The following ASCC1 variants were observed in gnomAD, a reference collection of about 807,000 sequenced individuals.
ASCC1 encodes the protein activating signal cointegrator 1 complex subunit 1.
In ASCC1, 35 loss-of-function variants were observed where a neutral mutation model predicts 46.6. That is an observed-to-expected ratio of 0.75 (90% confidence interval 0.57 to 0.99). The LOEUF is 0.99. Ranked by LOEUF, ASCC1 falls within the 50% of genes least tolerant of loss-of-function variation. The pLI is 0.00. For synonymous variants in ASCC1, 143 were observed against 146.6 expected (o/e 0.98, Z 0.18); for missense variants, 376 against 428.7 (o/e 0.88, Z 1.09).
At chr10:72,188,018 C>T (rs1383235114) in intron 5 of ASCC1, among the ~76,000 whole-genome samples, 2 of 151,944 alleles carry the variant, frequency 1.3e-5, no homozygotes, top group African/African-American at 4.8e-5. Context: ...CTTGTATGTG[C>T]CCAATCTGAA....
intron 7 of ASCC1, among the ~76,000 whole-genome samples, chr10:72,151,478 G>A (rs1848319743): frequency 6.6e-6 from 1 of 151,946 alleles, no homozygotes; most frequent in Non-Finnish European, 1.5e-5. Context: ...ATAGCATTAA[G>A]AGAAATACCT....
chr10:72,142,490 T>C (rs1847141664), intron 7 of ASCC1, among the ~76,000 whole-genome samples: 1 of 151,810 alleles, frequency 6.6e-6, no homozygotes, highest in Non-Finnish European at 1.5e-5. Context: ...CCACAGCCTC[T>C]GGAGGAGCTG....
chr10:72,188,309 G>A (rs1853823254), intron 5 of ASCC1, among the ~76,000 whole-genome samples: 1 of 151,466 alleles, frequency 6.6e-6, no homozygotes. Context: ...AGTAGAGATG[G>A]GGTTTCACTA....
chr10:72,190,599 C>T, intron 5 of ASCC1: 1 of 1,143,568 alleles, frequency 8.7e-7, no homozygotes, highest in Non-Finnish European at 1.2e-6. Flanking sequence ...TTGTAAAATT[C>T]ATACCTAATA....
intron 1 of ASCC1, among the ~76,000 whole-genome samples, chr10:72,214,788 C>T (rs1028255677): frequency 6.6e-6 from 1 of 151,692 alleles, no homozygotes; most frequent in East Asian, 1.9e-4. Context: ...AAATTCATAC[C>T]AAACAATCAG....
chr10:72,167,363 G>A (rs182133580), intron 5 of ASCC1, among the ~76,000 whole-genome samples: 10 of 152,256 alleles, frequency 6.6e-5, no homozygotes, highest in East Asian at 1.9e-4. Flanking sequence ...AAAAGACTAC[G>A]TATTATATGA....
chr10:72,213,468 T>C, intron 1 of ASCC1, 137 bp from the exon 2 acceptor site: 1 of 632,564 alleles, frequency 1.6e-6, no homozygotes, highest in Non-Finnish European at 2.9e-6. Context: ...CATTTCCCAT[T>C]GGATTTCCCA....
At position 72,133,090 on chromosome 10, in the gene ASCC1, C is replaced by G; in HGVS notation, c.838G>C (p.Val280Leu). 6.2e-7 allele frequency: 1 copy of G among 1,614,126 alleles called. No homozygotes were observed. The highest frequency in any genetic ancestry group is 8.5e-7 in the Non-Finnish European group (1 of 1,179,984). Reference sequence around the variant, plus strand: ...TCTTTCCTGAATAGTGTATTCATAACTGTAGCATGCAGTTTCACACTATTC... The same window carrying G: ...TCTTTCCTGAATAGTGTATTCATAAGTGTAGCATGCAGTTTCACACTATTC... The part of the protein sequence containing the change: ...EWNSVKLHAT[V>L]MNTLFRKDPN... The change falls in exon 8 of 10, where the codon GTT (valine) becomes CTT (leucine). Residue 280 changes from valine to leucine, a missense_variant. Coordinates refer to ENST00000672957, the MANE Select transcript of ASCC1 (RefSeq NM_001198800.3).
At chr10:72,202,283 A>G (rs1290484075) in intron 4 of ASCC1, among the ~76,000 whole-genome samples, 1 of 152,110 alleles carries the variant, frequency 6.6e-6, no homozygotes, top group Non-Finnish European at 1.5e-5. Flanking sequence ...CCTGGCCAAC[A>G]TGGCGAAACC....
rs117192268 is a variant in ASCC1, at chr10:72,208,477, T to C, written c.212+2255A>G. ...AAGGTGGATGAAATGAAAACATTTG[T>C]GGCCGGGTGCGGTGGCTCACGCCTG... is the stretch of plus-strand genomic sequence containing the variant. On this transcript the variant is annotated intron_variant, in intron 3 of 9. Coordinates refer to ENST00000672957, the MANE Select transcript of ASCC1 (RefSeq NM_001198800.3). Among the ~76,000 whole-genome samples, 607 of 152,024 alleles carry C rather than the reference T, an allele frequency of 4.0e-3. 2 individuals are homozygous for C. The highest frequency in any genetic ancestry group is 5.9e-3 in the Non-Finnish European group (400 of 67,942).
chr10:72,112,865 T>C lies in ASCC1; in HGVS notation c.957+15217A>G, dbSNP rs559702727. On this transcript the variant is annotated intron_variant, in intron 9 of 9. Coordinates refer to ENST00000672957, the MANE Select transcript of ASCC1 (RefSeq NM_001198800.3). Reference sequence around the variant, plus strand: ...TGCACCCCAGCCTGGGCAACAGAGCTAGACTCTGCCTCCAAAAAAAAAAAA... The same window carrying C: ...TGCACCCCAGCCTGGGCAACAGAGCCAGACTCTGCCTCCAAAAAAAAAAAA... Among the ~76,000 whole-genome samples the C allele has an allele frequency of 1.2e-4, 13 of 111,900 alleles. No homozygotes were observed. In the South Asian group the frequency reaches 2.9e-3, roughly 25 times the overall value. The allele number at this position is 111,900 out of a possible 152,430, so 73.4% of individuals were successfully genotyped here.
rs558623424 is a variant in ASCC1, at chr10:72,140,721, T to C, written c.747-7540A>G. Among the ~76,000 whole-genome samples the C allele has an allele frequency of 6.6e-5, 10 of 152,330 alleles. No homozygotes were observed. The South Asian group carries it at 1.9e-3, about 28-fold the overall frequency. ...ATTTTCACTTCACCCATCTGTAAGA[T>C]TTTATTTTTGTAAGCAAAAACAATG... On this transcript the variant is annotated intron_variant, in intron 7 of 9. Coordinates refer to ENST00000672957, the MANE Select transcript of ASCC1 (RefSeq NM_001198800.3).
chr10:72,105,002 C>T (rs181492073), intron 9 of ASCC1, among the ~76,000 whole-genome samples: 2 of 152,082 alleles, frequency 1.3e-5, no homozygotes, highest in African/African-American at 4.8e-5. Flanking sequence ...ACTTGCCCAT[C>T]CCGTCCCTTC....
At chr10:72,121,346 T>A (rs528885942) in intron 9 of ASCC1, among the ~76,000 whole-genome samples, 3 of 151,584 alleles carry the variant, frequency 2.0e-5, no homozygotes, top group East Asian at 3.9e-4. Context: ...GGTCCCACTG[T>A]GTTGCTTATG....
chr10:72,154,549 T>C (rs1242926078), intron 6 of ASCC1, among the ~76,000 whole-genome samples: 2 of 151,350 alleles, frequency 1.3e-5, no homozygotes, highest in African/African-American at 2.4e-5. Flanking sequence ...TAGAGTGCAG[T>C]GGCGTGATCT....
intron 6 of ASCC1, among the ~76,000 whole-genome samples, chr10:72,157,667 G>C (rs1279469148): frequency 6.6e-6 from 1 of 152,092 alleles, no homozygotes; most frequent in African/African-American, 2.4e-5. Flanking sequence ...TTATACTGGG[G>C]TTGGCTTCAC....
At chr10:72,157,481 A>G (rs1051013985) in intron 6 of ASCC1, among the ~76,000 whole-genome samples, 2 of 152,208 alleles carry the variant, frequency 1.3e-5, no homozygotes, top group African/African-American at 4.8e-5. Context: ...ATTTAATGTT[A>G]TATCTGCAAT....
rs142497100 is a variant in ASCC1 at position 72,115,579 on chromosome 10, T to C, written c.957+12503A>G. ...GAAAACCAGGAGAGCCAGCTGCCAC[T>C]GAAGCCAAGAGAAGAAAGCATTTGA... is the stretch of plus-strand genomic sequence containing the variant. On this transcript the variant is annotated intron_variant, in intron 9 of 9. Coordinates refer to ENST00000672957, the MANE Select transcript of ASCC1 (RefSeq NM_001198800.3). 4.0e-3 allele frequency among the ~76,000 whole-genome samples: 609 copies of C among 152,264 alleles called. 3 individuals carry two copies. The highest frequency in any genetic ancestry group is 0.013 in the African/African-American group (553 of 41,558).
intron 3 of ASCC1, among the ~76,000 whole-genome samples, chr10:72,206,571 G>T (rs1177434016): frequency 6.6e-6 from 1 of 152,200 alleles, no homozygotes; most frequent in Non-Finnish European, 1.5e-5. Flanking sequence ...AACGTTAGTA[G>T]ATTAAGCATA....
Sources: allele counts gnomAD v4.1 joint callset (sites outside exome capture counted in the v4.1 genomes callset), GRCh38; gene constraint gnomAD v4.1.1; transcripts MANE v1.5; gene names NCBI Gene and HGNC (gene_info 2026-07-23, HGNC 2026-07-21).